The following ZFPM2 variants were observed in gnomAD, a reference collection of about 807,000 sequenced individuals.
ZFPM2 encodes zinc finger protein, FOG family member 2.
A neutral mutation model predicts 98.6 loss-of-function variants in ZFPM2; 20 were observed. The observed-to-expected ratio is 0.20, with a 90% CI of 0.14 to 0.29. ZFPM2 has a LOEUF of 0.29. Ranked by LOEUF, ZFPM2 falls within the 10% of genes least tolerant of loss-of-function variation. The pLI is 1.00. For missense variants in ZFPM2, 1,310 were observed against 1,388.6 expected (o/e 0.94, Z 0.90); for synonymous variants, 518 against 502.7 (o/e 1.03, Z -0.41).
chr8:105,641,856 A>G (rs1816954136), intron 5 of ZFPM2, among the ~76,000 whole-genome samples: 2 of 152,076 alleles, frequency 1.3e-5, no homozygotes, highest in Non-Finnish European at 2.9e-5. Flanking sequence ...AGTTGATTAG[A>G]TGTGCTGTCC....
intron 3 of ZFPM2, among the ~76,000 whole-genome samples, chr8:105,453,773 G>A (rs568624933): frequency 2.0e-5 from 3 of 151,618 alleles, no homozygotes; most frequent in African/African-American, 2.4e-5. Context: ...TCCCTAGTGC[G>A]CCACCACACC....
chr8:105,534,079 CCAT>C (rs559298282), intron 3 of ZFPM2, among the ~76,000 whole-genome samples: 44 of 29,612 alleles, frequency 1.5e-3, no homozygotes, highest in African/African-American at 4.9e-3. Flanking sequence ...TTCCTCCCTC[CCAT>C]CTTCCTCCCT....
At chr8:105,389,078 G>A (rs553906365) in intron 1 of ZFPM2, among the ~76,000 whole-genome samples, 204 of 142,556 alleles carry the variant, frequency 1.4e-3, no homozygotes, top group Non-Finnish European at 2.3e-3. Context: ...GGGGAGAGAC[G>A]AATAGATACT....
intron 3 of ZFPM2, among the ~76,000 whole-genome samples, chr8:105,461,219 A>G (rs1424822911): frequency 2.0e-5 from 3 of 152,296 alleles, no homozygotes; most frequent in African/African-American, 2.4e-5. Flanking sequence ...TTGTTAGTCA[A>G]TTCAGCTCTC....
chr8:105,461,397 C>T (rs1458098615), intron 3 of ZFPM2, among the ~76,000 whole-genome samples: 2 of 152,078 alleles, frequency 1.3e-5, no homozygotes, highest in African/African-American at 4.8e-5. Context: ...TAATAATTCT[C>T]CTGATTTCCT....
At chr8:105,330,617 TATATATATATATATAC>T in intron 1 of ZFPM2, among the ~76,000 whole-genome samples, 1 of 58,858 alleles carries the variant, frequency 1.7e-5, no homozygotes, top group South Asian at 5.0e-4. Flanking sequence ...TATACACATA[TATATATATATATATAC>T]ATATATATAT....
At chr8:105,614,250 G>T (rs1816367636) in intron 4 of ZFPM2, among the ~76,000 whole-genome samples, 1 of 152,040 alleles carries the variant, frequency 6.6e-6, no homozygotes, top group Non-Finnish European at 1.5e-5. Flanking sequence ...TTTTAAGTAT[G>T]AGCATGTTGC....
chr8:105,387,386 C>T lies in ZFPM2; in HGVS notation c.41-31758C>T, dbSNP rs551374054. ...CTGGGCGCCGTAGAGCAGGCGGCAG[C>T]GCTCGTCGGGGAGGCTCCGGCTGCG... On this transcript the variant is annotated intron_variant, in intron 1 of 7. Coordinates refer to ENST00000407775, the MANE Select transcript of ZFPM2 (RefSeq NM_012082.4). The T allele has an allele frequency of 1.1e-4, 18 of 159,080 alleles. No homozygotes were observed. In the South Asian group the frequency reaches 3.2e-3, roughly 28 times the overall value. The allele number at this position is 159,080 out of a possible 1,614,324, so 9.9% of individuals were successfully genotyped here. A position where few individuals can be genotyped will look rare whatever the true frequency, so the allele number is the denominator to read the frequency against.
chr8:105,449,776 T>G (rs1812448929), intron 3 of ZFPM2, among the ~76,000 whole-genome samples: 1 of 151,960 alleles, frequency 6.6e-6, no homozygotes. Flanking sequence ...ACCTCATTAA[T>G]GAGATTTTAC....
chr8:105,648,125 C>T lies in ZFPM2; in HGVS notation c.532+13768C>T, dbSNP rs556371617. Among the ~76,000 whole-genome samples the T allele has an allele frequency of 1.6e-4, 24 of 152,288 alleles. No individual in the cohort carries two copies. In the South Asian group the frequency reaches 3.9e-3, roughly 25 times the overall value. ...GTTTTGATTTGCATTCCTCTGATGG[C>T]TAGTGATGATGAGCCTTTTTTCCTG... On this transcript the variant is annotated intron_variant, in intron 5 of 7. Transcript: ENST00000407775.
In ZFPM2 at chr8:105,338,983, A is replaced by G. The variant is rs140055217; in HGVS notation, c.40+20002A>G. 3.3e-3 allele frequency among the ~76,000 whole-genome samples: 506 copies of G among 151,940 alleles called. 4 individuals carry two copies. The highest frequency in any genetic ancestry group is 3.8e-3 in the African/African-American group (158 of 41,508). On this transcript the variant is annotated intron_variant, in intron 1 of 7. Coordinates refer to ENST00000407775, the MANE Select transcript of ZFPM2 (RefSeq NM_012082.4). ...ACTAGACCAGCAGAGTGGGGCAGGC[A>G]TATCTCTCAGGACTGGGGTTAGAAC... is the stretch of plus-strand genomic sequence containing the variant.
chr8:105,634,127 T>C (rs1372939043), intron 4 of ZFPM2, 119 bp from the exon 5 acceptor site: 2 of 738,798 alleles, frequency 2.7e-6, no homozygotes, highest in Non-Finnish European at 4.4e-6. Flanking sequence ...GAATAAGGAC[T>C]TGGATTATGG....
At chr8:105,396,215 G>C (rs891860727) in intron 1 of ZFPM2, among the ~76,000 whole-genome samples, 2 of 152,264 alleles carry the variant, frequency 1.3e-5, no homozygotes, top group Non-Finnish European at 2.9e-5. Context: ...GTGTTGAGGG[G>C]GGTGGCATTC....
chr8:105,641,961 C>T (rs1426972317), intron 5 of ZFPM2, among the ~76,000 whole-genome samples: 1 of 151,948 alleles, frequency 6.6e-6, no homozygotes, highest in Non-Finnish European at 1.5e-5. Flanking sequence ...AGAATCCTGG[C>T]AAATGATAAG....
At chr8:105,711,313 A>G (rs1811391661) in intron 5 of ZFPM2, among the ~76,000 whole-genome samples, 1 of 152,018 alleles carries the variant, frequency 6.6e-6, no homozygotes, top group Non-Finnish European at 1.5e-5. Flanking sequence ...CTTACTTCCC[A>G]GCCAGTTTTC....
In ZFPM2 at chr8:105,634,428, G is replaced by A; in HGVS notation, c.532+71G>A. The A allele has an allele frequency of 4.3e-6, 5 of 1,173,680 alleles. No individual in the cohort carries two copies. The South Asian group carries it at 6.6e-5, about 16-fold the overall frequency. The allele number at this position is 1,173,680 out of a possible 1,614,324, so 72.7% of individuals were successfully genotyped here. ...TGAGCATTGCAAAACAGCACCAGAA[G>A]AGCTGGAATGGAAGTACAAAGTATA... On this transcript the variant is annotated intron_variant, in intron 5 of 7. Coordinates refer to ENST00000407775, the MANE Select transcript of ZFPM2 (RefSeq NM_012082.4).
At chr8:105,379,903 A>G (rs1286579728) in intron 1 of ZFPM2, among the ~76,000 whole-genome samples, 1 of 152,220 alleles carries the variant, frequency 6.6e-6, no homozygotes, top group Non-Finnish European at 1.5e-5. Context: ...TGAGAAAACT[A>G]TAGTCCTATC....
In ZFPM2 at chr8:105,358,275, G is replaced by A. The variant is rs187157795; in HGVS notation, c.40+39294G>A. Among the ~76,000 whole-genome samples the A allele has an allele frequency of 2.4e-4, 36 of 151,140 alleles. No homozygotes were observed. The East Asian group carries it at 6.2e-3, about 26-fold the overall frequency. On this transcript the variant is annotated intron_variant, in intron 1 of 7. Transcript: ENST00000407775. ...GATTCATTTTTTTTTTTTTTCTGAG[G>A]TGGAGTCTTGCTCTGTCGCCCAGGC...
At chr8:105,792,396 G>A (rs1271915174) in intron 6 of ZFPM2, among the ~76,000 whole-genome samples, 5 of 152,074 alleles carry the variant, frequency 3.3e-5, no homozygotes, top group African/African-American at 9.7e-5. Context: ...GTAGTTGAGC[G>A]GTTTTCAGTG....
Sources: allele counts gnomAD v4.1 joint callset (sites outside exome capture counted in the v4.1 genomes callset), GRCh38; gene constraint gnomAD v4.1.1; transcripts MANE v1.5; gene names NCBI Gene and HGNC (gene_info 2026-07-23, HGNC 2026-07-21).